The following GFPT2 variants were observed in gnomAD, a reference collection of about 807,000 sequenced individuals.
The protein encoded by GFPT2 is glutamine--fructose-6-phosphate aminotransferase [isomerizing] 2.
Under a neutral mutation model 85.6 loss-of-function variants are expected in GFPT2, and 62 were observed. The observed-to-expected ratio is 0.72, with a 90% confidence interval of 0.59 to 0.90. The LOEUF is 0.90. Ranked by LOEUF, GFPT2 falls within the 40% of genes least tolerant of loss-of-function variation. The probability of loss-of-function intolerance (pLI) is 0.00; values close to 1 mark genes in which losing one functional copy is unlikely to be tolerated. For missense variants in GFPT2, 788 were observed against 893.4 expected (o/e 0.88, Z 1.50); for synonymous variants, 368 against 344.5 (o/e 1.07, Z -0.75).
intron 9 of GFPT2, among the ~76,000 whole-genome samples, chr5:180,322,510 A>G (rs536878847): frequency 5.7e-4 from 87 of 152,290 alleles, no homozygotes; most frequent in African/African-American, 2.1e-3. Context: ...TGCTGACTGC[A>G]TCGTGCCTGG....
intron 13 of GFPT2, 108 bp from the exon 14 acceptor site, chr5:180,314,072 A>G: frequency 8.9e-7 from 1 of 1,122,628 alleles, no homozygotes; most frequent in East Asian, 2.8e-5. Context: ...CGCCCGAGAC[A>G]CAGCCAGCGG....
intron 3 of GFPT2, 189 bp from the exon 4 acceptor site, chr5:180,336,142 T>A: frequency 1.7e-6 from 1 of 581,254 alleles, no homozygotes; most frequent in Non-Finnish European, 3.0e-6. Context: ...TACTTGTCTG[T>A]AGCTTAGCTC....
intron 3 of GFPT2, 21 bp downstream of exon 3, chr5:180,336,458 A>G: frequency 7.3e-7 from 1 of 1,367,352 alleles, no homozygotes; most frequent in Non-Finnish European, 1.0e-6. Flanking sequence ...GGCTCCTCCC[A>G]CTCAGAGGTC....
chr5:180,331,399 C>G, intron 5 of GFPT2, 96 bp downstream of exon 5: 1 of 765,284 alleles, frequency 1.3e-6, no homozygotes, highest in East Asian at 2.5e-5. Flanking sequence ...TCACTCAGTT[C>G]CCACACTGGT....
At position 180,316,813 on chromosome 5, in the gene GFPT2, C is replaced by T. The variant is rs1351075199; in HGVS notation, c.1103G>A (p.Arg368Gln). Residue 368 changes from arginine (R) to glutamine (Q), a missense_variant, in exon 12 of 19, where the codon CGA becomes CAA. By Grantham distance (43) the Arg-to-Gln change is conservative (BLOSUM62 1). Coordinates refer to ENST00000253778, the MANE Select transcript of GFPT2 (RefSeq NM_005110.4). ...TCCACAGCCAATCACGATGAGCCGT[C>T]GGCATCGTCGAATCTCCTTCAAGTG... The part of the protein sequence containing the change: ...KDHLKEIRRC[R>Q]RLIVIGCGTS... 3.7e-6 allele frequency: 6 copies of T among 1,614,060 alleles called. No homozygotes were observed. Among genetic ancestry groups the T allele is most frequent in the Admixed American group, 1.7e-5 (1 of 60,034 alleles).
chr5:180,337,253 G>C (rs1376673729), intron 2 of GFPT2, among the ~76,000 whole-genome samples: 1 of 152,174 alleles, frequency 6.6e-6, no homozygotes, highest in Non-Finnish European at 1.5e-5. Flanking sequence ...AAGAGATTGA[G>C]ACCATCCTGG....
rs1227026383 is a variant in GFPT2, at chr5:180,328,255, A to G, written c.596+22T>C. The G allele has an allele frequency of 2.5e-6, 4 of 1,573,058 alleles. No homozygotes were observed. The South Asian group carries it at 4.4e-5, about 17-fold the overall frequency. ...TTATTTTCGTTCTTTCTTATGGGAAATGCCAGTGTGTTTTGCCTCACCGTG... is the reference window on the plus strand; with the variant it reads ...TTATTTTCGTTCTTTCTTATGGGAAGTGCCAGTGTGTTTTGCCTCACCGTG... On this transcript the variant is annotated intron_variant, in intron 7 of 18. Transcript: ENST00000253778. The surrounding 1 kb of genome is among the most constrained non-coding windows in gnomAD (Gnocchi z 5.4).
chr5:180,318,611 G>A lies in GFPT2; in HGVS notation c.958+182C>T. The stretch of plus-strand genomic sequence containing the variant: ...CACACAGGAGCCCCCGCTTGGAGGT[G>A]CCAGGCCAGCCTCCCCACATCCCCT... On this transcript the variant is annotated intron_variant, in intron 10 of 18. Transcript: ENST00000253778. This position sits in a 1 kb window ranked among gnomAD's most constrained non-coding sequence, Gnocchi z 4.2. 1.7e-6 allele frequency: 1 copy of A among 585,910 alleles called. No homozygotes were observed. Among genetic ancestry groups the A allele is most frequent in the South Asian group, 2.1e-5 (1 of 47,370 alleles). 36.3% of individuals were successfully genotyped at this position (585,910 alleles called of 1,614,324 possible). A position where few individuals can be genotyped will look rare whatever the true frequency, so the allele number is the denominator to read the frequency against.
At chr5:180,319,846 C>T (rs547205621) in intron 9 of GFPT2, among the ~76,000 whole-genome samples, 1 of 152,070 alleles carries the variant, frequency 6.6e-6, no homozygotes, top group Admixed American at 6.6e-5. Flanking sequence ...TAAATGACAC[C>T]AGGGGTTGCA....
intron 15 of GFPT2, among the ~76,000 whole-genome samples, chr5:180,309,517 T>C (rs1763838495): frequency 3.3e-5 from 5 of 152,080 alleles, no homozygotes; most frequent in Admixed American, 3.3e-4. Context: ...GCTTCCCAGG[T>C]TCAAGTGATT....
chr5:180,352,096 C>G (rs1235754336), intron 1 of GFPT2, among the ~76,000 whole-genome samples: 1 of 152,166 alleles, frequency 6.6e-6, no homozygotes, highest in Non-Finnish European at 1.5e-5. Context: ...CCACGGATGC[C>G]TGTTCAGCCT....
intron 1 of GFPT2, chr5:180,352,339 GAAA>G (rs34831746): frequency 0.017 from 5,802 of 340,186 alleles, no homozygotes; most frequent in East Asian, 0.029. Context: ...CCTACTCAAG[GAAA>G]AAAAAAAAAA....
At position 180,302,461 on chromosome 5, in the gene GFPT2, G is replaced by T. The variant is rs755990898; in HGVS notation, c.1966C>A (p.Leu656Met). 1.2e-6 allele frequency: 2 copies of T among 1,614,098 alleles called. No homozygotes were observed. The change falls in exon 18 of 19, where the codon CTG (leucine) becomes ATG (methionine). Residue 656 changes from leucine (L) to methionine (M), a missense_variant. Transcript: ENST00000253778. The stretch of plus-strand genomic sequence containing the variant: ...AGAACAGCCAGGTGGAAGGACAGCA[G>T]CTGCAGCGGAATCACGCTCAGGATG... ...QGILSVIPLQ[L>M]LSFHLAVLRG... is the part of the protein sequence containing the mutation.
chr5:180,326,174 G>A, intron 7 of GFPT2, among the ~76,000 whole-genome samples: 1 of 152,096 alleles, frequency 6.6e-6, no homozygotes, highest in Non-Finnish European at 1.5e-5. Context: ...GCTCACTCTG[G>A]TAACACATGC....
At position 180,335,879 on chromosome 5, in the gene GFPT2, C is replaced by T. The variant is rs750544754; in HGVS notation, c.289G>A (p.Gly97Arg). Residue 97 changes from glycine to arginine, a missense_variant, in exon 4 of 19, where the codon GGG (glycine) becomes AGG (arginine). Transcript: ENST00000253778. ...GIAHTRWATHGVPSAVNSHPQ... is the reference protein window; with the variant it reads ...GIAHTRWATHRVPSAVNSHPQ... ...TGGCTGTTGACAGCACTGGGGACCC[C>T]GTGGGTGGCCCAGCGCGTGTGGGCA... The T allele has an allele frequency of 2.7e-5, 43 of 1,587,138 alleles. 2 individuals are homozygous for T. Among genetic ancestry groups the T allele is most frequent in the South Asian group, 2.5e-4 (22 of 87,268 alleles).
In GFPT2 at chr5:180,302,506, T is replaced by C; in HGVS notation, c.1921A>G (p.Thr641Ala). ...AGGATGCCCTGGAGGCAGTCCACAGTGTGGGGCAGCTCAATTGTCTTATAC... is the reference window on the plus strand; with the variant it reads ...AGGATGCCCTGGAGGCAGTCCACAGCGTGGGGCAGCTCAATTGTCTTATAC... ...FAYKTIELPH[T>A]VDCLQGILSV... Residue 641 changes from threonine (T) to alanine (A), a missense_variant, in exon 18 of 19, where the codon ACT becomes GCT. Coordinates refer to ENST00000253778, the MANE Select transcript of GFPT2 (RefSeq NM_005110.4). 6.2e-7 allele frequency: 1 copy of C among 1,614,022 alleles called. No homozygotes were observed. The highest frequency in any genetic ancestry group is 8.5e-7 in the Non-Finnish European group (1 of 1,179,908).
At position 180,313,037 on chromosome 5, in the gene GFPT2, A is replaced by G. The variant is rs1315492489; in HGVS notation, c.1432-493T>C. Among the ~76,000 whole-genome samples, 4 of 151,734 alleles carry G rather than the reference A, an allele frequency of 2.6e-5. No individual in the cohort carries two copies. In the East Asian group the frequency reaches 6.0e-4, roughly 23 times the overall value. On this transcript the variant is annotated intron_variant, in intron 14 of 18. Coordinates refer to ENST00000253778, the MANE Select transcript of GFPT2 (RefSeq NM_005110.4). ...GGTGATCCCCCTGCCTCGGCCTCCC[A>G]AAGTGCTGGGATTACAGGCCTGAGT...
In GFPT2 at chr5:180,353,322, C is replaced by T. The variant is rs1156847045; in HGVS notation, c.-105G>A. The T allele has an allele frequency of 1.1e-6, 1 of 878,400 alleles. No individual in the cohort carries two copies. Among genetic ancestry groups the T allele is most frequent in the East Asian group, 3.4e-5 (1 of 29,304 alleles). The allele number at this position is 878,400 out of a possible 1,614,324, so 54.4% of individuals were successfully genotyped here. A position where few individuals can be genotyped will look rare whatever the true frequency, so the allele number is the denominator to read the frequency against. On this transcript the variant is annotated 5_prime_UTR_variant, in exon 1 of 19. Coordinates refer to ENST00000253778, the MANE Select transcript of GFPT2 (RefSeq NM_005110.4). ...GTGGGCTCCGTGGGCTCCGTGGGCT[C>T]CGCGGGCTCCAGCTCCCGTCCGCTC...
At chr5:180,334,360 C>T (rs1764359722) in intron 4 of GFPT2, among the ~76,000 whole-genome samples, 1 of 152,174 alleles carries the variant, frequency 6.6e-6, no homozygotes, top group African/African-American at 2.4e-5. Context: ...TGGGGAGAAG[C>T]AGCACCACTG....
Sources: gnomAD v4.1 joint callset for allele counts (sites outside exome capture counted in the v4.1 genomes callset) on GRCh38, gnomAD v4.1.1 for gene constraint, Gnocchi (gnomAD v3.1) non-coding constraint, MANE v1.5 for transcripts, NCBI Gene and HGNC (gene_info 2026-07-23, HGNC 2026-07-21) for gene names.